RBFOX3: variants seen among roughly 807,000 people sequenced by gnomAD.
RBFOX3 encodes RNA binding fox-1 homolog 3.
A neutral mutation model predicts 48.7 loss-of-function variants in RBFOX3; 17 were observed. The observed-to-expected ratio is 0.35, with a 90% CI of 0.24 to 0.52. The LOEUF is 0.52. Among genes scored for constraint, RBFOX3 ranks in the 20% least tolerant of loss-of-function variants. RBFOX3 has a pLI of 0.94. For synonymous variants in RBFOX3, 212 were observed against 209.5 expected, an observed-to-expected ratio of 1.01 and a Z score of -0.10; for missense variants, 382 against 497.5, an observed-to-expected ratio of 0.77 and a Z score of 2.21.
At chr17:79,095,416 G>A (rs1443135075) in intron 13 of RBFOX3, 97 bp downstream of exon 13, 5 of 1,098,194 alleles carry the variant, frequency 4.6e-6, no homozygotes, top group Non-Finnish European at 6.6e-6. Flanking sequence ...CTGGAAGAGT[G>A]GGTTACGCCT....
At chr17:79,152,222 T>C (rs2044687846) in intron 4 of RBFOX3, among the ~76,000 whole-genome samples, 1 of 152,076 alleles carries the variant, frequency 6.6e-6, no homozygotes, top group Non-Finnish European at 1.5e-5. Context: ...TCAAGCCATG[T>C]CCAAGCCCAG....
chr17:79,560,208 C>A (rs1046817088), intron 1 of RBFOX3, among the ~76,000 whole-genome samples: 1 of 152,058 alleles, frequency 6.6e-6, no homozygotes, highest in Admixed American at 6.5e-5. Flanking sequence ...AGTGACTGGG[C>A]TGAAATGGTT....
At position 79,473,682 on chromosome 17, in the gene RBFOX3, G is replaced by A. The variant is rs1243410115; in HGVS notation, c.-175+8772C>T. On this transcript the variant is annotated intron_variant, in intron 2 of 14. Transcript: ENST00000693108. The surrounding 1 kb of genome is among the most constrained non-coding windows in gnomAD (Gnocchi z 4.2). Reference sequence around the variant, plus strand: ...GGTGGCCACACCCTGCAAGCTCCCTGTAATTCCAGCCATTACTCAGCAATG... The same window carrying A: ...GGTGGCCACACCCTGCAAGCTCCCTATAATTCCAGCCATTACTCAGCAATG... Among the ~76,000 whole-genome samples the A allele has an allele frequency of 5.9e-5, 9 of 152,164 alleles. No homozygotes were observed. The highest frequency in any genetic ancestry group is 2.2e-4 in the African/African-American group (9 of 41,422).
intron 4 of RBFOX3, among the ~76,000 whole-genome samples, chr17:79,218,760 G>A (rs1329605269): frequency 6.6e-6 from 1 of 152,186 alleles, no homozygotes; most frequent in African/African-American, 2.4e-5. Flanking sequence ...CTTGAAGAAT[G>A]AGGAGGGGGA....
chr17:79,399,237 C>T (rs192045522), intron 2 of RBFOX3, among the ~76,000 whole-genome samples: 4 of 151,852 alleles, frequency 2.6e-5, no homozygotes, highest in Non-Finnish European at 5.9e-5. Context: ...CCACCCAGTC[C>T]GTGGCAGTTT....
chr17:79,219,630 G>A (rs574271988), intron 4 of RBFOX3, among the ~76,000 whole-genome samples: 5 of 152,204 alleles, frequency 3.3e-5, no homozygotes, highest in African/African-American at 1.2e-4. Context: ...AGAGGAAGGT[G>A]GGGGAGGCTG....
intron 3 of RBFOX3, among the ~76,000 whole-genome samples, chr17:79,296,288 A>C (rs891957246): frequency 7.1e-6 from 1 of 140,478 alleles, no homozygotes; most frequent in Admixed American, 7.2e-5. Flanking sequence ...AGGCACAAAC[A>C]GACACACACA....
chr17:79,326,637 TGC>T (rs2079374271), intron 2 of RBFOX3, among the ~76,000 whole-genome samples: 1 of 152,128 alleles, frequency 6.6e-6, no homozygotes, highest in African/African-American at 2.4e-5. Context: ...AGTGCAGAGG[TGC>T]CCCTGGGCAC....
the RBFOX3 span, among the ~76,000 whole-genome samples, chr17:79,622,137 A>G: frequency 1.4e-5 from 2 of 146,520 alleles, no homozygotes. Context: ...AGCCATGCAC[A>G]TGTTACTAGG....
intron 4 of RBFOX3, among the ~76,000 whole-genome samples, chr17:79,152,875 C>T (rs577775269): frequency 5.3e-5 from 8 of 152,344 alleles, no homozygotes; most frequent in Admixed American, 3.9e-4. Context: ...CGCCGCATTG[C>T]CCATTGCTTT....
At chr17:79,495,629 A>G (rs1598936504) in intron 1 of RBFOX3, among the ~76,000 whole-genome samples, 5 of 32,686 alleles carry the variant, frequency 1.5e-4, no homozygotes, top group Non-Finnish European at 1.7e-4. Flanking sequence ...GGGAAAGGGT[A>G]CTGGGGCAGG....
chr17:79,435,796 C>T (rs1555730759), intron 2 of RBFOX3, among the ~76,000 whole-genome samples: 3 of 152,218 alleles, frequency 2.0e-5, no homozygotes, highest in African/African-American at 7.2e-5. Flanking sequence ...TTATCCACAA[C>T]AGCCTTCCAG....
chr17:79,170,481 G>C (rs1003366303), intron 4 of RBFOX3, among the ~76,000 whole-genome samples: 4 of 151,996 alleles, frequency 2.6e-5, no homozygotes, highest in African/African-American at 4.8e-5. Context: ...CTTGAGGGCT[G>C]GGGGGGCAAG....
the RBFOX3 span, among the ~76,000 whole-genome samples, chr17:79,642,509 A>G: frequency 6.6e-6 from 1 of 152,190 alleles, no homozygotes; most frequent in Non-Finnish European, 1.5e-5. Flanking sequence ...GTATACCTCC[A>G]TAAAGCTAGA....
chr17:79,646,310 G>A, the RBFOX3 span, among the ~76,000 whole-genome samples: 1 of 152,190 alleles, frequency 6.6e-6, no homozygotes, highest in African/African-American at 2.4e-5. Flanking sequence ...GTCAGAAAAC[G>A]TGACATGAGA....
At chr17:79,367,520 G>A (rs139531584) in intron 2 of RBFOX3, among the ~76,000 whole-genome samples, 2 of 152,204 alleles carry the variant, frequency 1.3e-5, no homozygotes, top group South Asian at 2.1e-4. Flanking sequence ...GGCTACAGGT[G>A]TCAGGAGAGA....
intron 2 of RBFOX3, among the ~76,000 whole-genome samples, chr17:79,404,321 C>T (rs1033689879): frequency 7.1e-6 from 1 of 141,638 alleles, no homozygotes; most frequent in African/African-American, 2.6e-5. Context: ...GTTCCTCCCT[C>T]CTAAGCCAAC....
At chr17:79,606,892 G>T (rs2093843773) in intron 1 of RBFOX3, among the ~76,000 whole-genome samples, 1 of 152,120 alleles carries the variant, frequency 6.6e-6, no homozygotes, top group Non-Finnish European at 1.5e-5. Context: ...GGAAAAAAGA[G>T]TTGGGGAGAG....
chr17:79,149,437 G>T (rs1042727258), intron 4 of RBFOX3, among the ~76,000 whole-genome samples: 1 of 152,202 alleles, frequency 6.6e-6, no homozygotes, highest in Non-Finnish European at 1.5e-5. Flanking sequence ...TGGAACACGG[G>T]CATTGCTGTC....
Sources: gnomAD v4.1 joint callset for allele counts (sites outside exome capture counted in the v4.1 genomes callset) on GRCh38, gnomAD v4.1.1 for gene constraint, Gnocchi (gnomAD v3.1) non-coding constraint, MANE v1.5 for transcripts, NCBI Gene and HGNC (gene_info 2026-07-23, HGNC 2026-07-21) for gene names.